Variants in GALNT17 observed in about 807,000 individuals in gnomAD.
The protein encoded by GALNT17 is UDP-GalNAc:polypeptide N-acetylgalactosaminyltransferase-like 3.
In GALNT17, 29 loss-of-function variants were observed where a neutral mutation model predicts 63.7. The observed-to-expected ratio is 0.46, with a 90% CI of 0.34 to 0.62. GALNT17 has a LOEUF of 0.62. Ranked by LOEUF, GALNT17 falls within the 20% of genes least tolerant of loss-of-function variation. The pLI is 0.01. For missense variants in GALNT17, 603 were observed against 799.6 expected, an observed-to-expected ratio of 0.75 and a Z score of 2.97; for synonymous variants, 305 against 318.3, an observed-to-expected ratio of 0.96 and a Z score of 0.45.
intron 5 of GALNT17, among the ~76,000 whole-genome samples, chr7:71,506,595 T>A (rs893586453): frequency 1.3e-5 from 2 of 152,164 alleles, no homozygotes; most frequent in Admixed American, 1.3e-4. Flanking sequence ...TACATATAAT[T>A]TTATGTTTTA....
chr7:71,537,772 C>T (rs534948353), intron 5 of GALNT17, among the ~76,000 whole-genome samples: 2 of 152,214 alleles, frequency 1.3e-5, no homozygotes, highest in South Asian at 4.2e-4. Flanking sequence ...GAGATCAAGG[C>T]ACTGCAATCC....
intron 1 of GALNT17, among the ~76,000 whole-genome samples, chr7:71,199,915 T>C (rs1013793520): frequency 6.6e-6 from 1 of 152,186 alleles, no homozygotes; most frequent in African/African-American, 2.4e-5. Context: ...TAGAACCTCC[T>C]CTTTTTTGTC....
intron 5 of GALNT17, among the ~76,000 whole-genome samples, chr7:71,439,794 GGA>G (rs1173969126): frequency 6.6e-6 from 1 of 152,208 alleles, no homozygotes; most frequent in African/African-American, 2.4e-5. Context: ...TGATCTGTGG[GGA>G]GAGAGTAATA....
At chr7:71,578,053 T>TTTC (rs1789567763) in intron 6 of GALNT17, among the ~76,000 whole-genome samples, 1 of 129,208 alleles carries the variant, frequency 7.7e-6, no homozygotes, top group Non-Finnish European at 1.8e-5. Context: ...TTATTTATTT[T>TTTC]GAGATGGAGT....
At chr7:71,416,326 A>G (rs1375013453) in intron 4 of GALNT17, among the ~76,000 whole-genome samples, 1 of 152,188 alleles carries the variant, frequency 6.6e-6, no homozygotes, top group Admixed American at 6.5e-5. Flanking sequence ...AAAATGTTTT[A>G]TCAGGCTGGG....
chr7:71,213,714 G>T, intron 1 of GALNT17, among the ~76,000 whole-genome samples: 1 of 151,764 alleles, frequency 6.6e-6, no homozygotes, highest in Non-Finnish European at 1.5e-5. Context: ...TTTTATATTG[G>T]GTGTTATATT....
At chr7:71,140,685 C>A (rs997724848) in intron 1 of GALNT17, among the ~76,000 whole-genome samples, 1 of 152,112 alleles carries the variant, frequency 6.6e-6, no homozygotes, top group Non-Finnish European at 1.5e-5. Flanking sequence ...CCAAGGCCAG[C>A]GAAGAAACAA....
chr7:71,313,058 A>G (rs1414609163), intron 1 of GALNT17, among the ~76,000 whole-genome samples: 4 of 152,148 alleles, frequency 2.6e-5, no homozygotes, highest in Non-Finnish European at 5.9e-5. Flanking sequence ...GTAGTGAGCT[A>G]TGATTCTGCC....
At chr7:71,218,443 A>G (rs1789525657) in intron 1 of GALNT17, among the ~76,000 whole-genome samples, 1 of 152,122 alleles carries the variant, frequency 6.6e-6, no homozygotes, top group Admixed American at 6.6e-5. Flanking sequence ...CCTCCTAAGA[A>G]TTGCTTCCAC....
At chr7:71,226,339 G>T (rs190404763) in intron 1 of GALNT17, among the ~76,000 whole-genome samples, 45 of 152,248 alleles carry the variant, frequency 3.0e-4, no homozygotes, top group African/African-American at 1.1e-3. Context: ...GAACCCCGGG[G>T]TGGAGACAGG....
At chr7:71,368,920 G>GT (rs1792564423) in intron 2 of GALNT17, among the ~76,000 whole-genome samples, 1 of 128,366 alleles carries the variant, frequency 7.8e-6, no homozygotes, top group African/African-American at 3.3e-5. Flanking sequence ...TTCCTCGGGG[G>GT]TGGGGGGGGG....
chr7:71,446,910 A>G (rs184952833), intron 5 of GALNT17, among the ~76,000 whole-genome samples: 99 of 152,298 alleles, frequency 6.5e-4, no homozygotes, highest in Non-Finnish European at 1.2e-3. Flanking sequence ...CTTTAGTCCT[A>G]CATCATGCAT....
At chr7:71,612,949 G>A (rs757815386) in intron 6 of GALNT17, among the ~76,000 whole-genome samples, 3 of 152,150 alleles carry the variant, frequency 2.0e-5, no homozygotes, top group Non-Finnish European at 4.4e-5. Context: ...AAGATACCAG[G>A]TACAAACAGA....
chr7:71,421,204 C>A, intron 5 of GALNT17, 99 bp downstream of exon 5: 1 of 1,299,572 alleles, frequency 7.7e-7, no homozygotes, highest in Non-Finnish European at 1.1e-6. Context: ...TGGGCTCGAG[C>A]AGCTGTGTGC....
In GALNT17 at chr7:71,226,996, C is replaced by T. The variant is rs535162203; in HGVS notation, c.238+93956C>T. Among the ~76,000 whole-genome samples the T allele has an allele frequency of 5.3e-5, 8 of 152,006 alleles. No individual in the cohort carries two copies. In the South Asian group the frequency reaches 1.7e-3, roughly 32 times the overall value. On this transcript the variant is annotated intron_variant, in intron 1 of 10. Coordinates refer to ENST00000333538, the MANE Select transcript of GALNT17 (RefSeq NM_022479.3). ...AACAAAGGGAGCTGGGCAGGATCAT[C>T]TCTGTCCCCTCCAGCTTTTGAGCCC...
chr7:71,665,020 C>G (rs1380714593), intron 6 of GALNT17, among the ~76,000 whole-genome samples: 1 of 152,130 alleles, frequency 6.6e-6, no homozygotes, highest in Non-Finnish European at 1.5e-5. Flanking sequence ...CCCTGTCACC[C>G]AGGCTGGCGT....
At chr7:71,386,584 T>A (rs1792949227) in intron 2 of GALNT17, among the ~76,000 whole-genome samples, 1 of 152,088 alleles carries the variant, frequency 6.6e-6, no homozygotes, top group Non-Finnish European at 1.5e-5. Flanking sequence ...GTTCCCCGGG[T>A]ACTAAATCAT....
At chr7:71,406,545 C>T (rs937646511) in intron 3 of GALNT17, among the ~76,000 whole-genome samples, 3 of 152,116 alleles carry the variant, frequency 2.0e-5, no homozygotes, top group African/African-American at 7.2e-5. Context: ...GTTGCATGAG[C>T]AGAATATGCA....
chr7:71,355,297 A>C (rs1037162567), intron 2 of GALNT17, among the ~76,000 whole-genome samples: 1 of 152,086 alleles, frequency 6.6e-6, no homozygotes, highest in Admixed American at 6.6e-5. Flanking sequence ...TAATTCAAGT[A>C]TTTTTATTGC....
Sources: gnomAD v4.1 joint callset for allele counts (sites outside exome capture counted in the v4.1 genomes callset) on GRCh38, gnomAD v4.1.1 for gene constraint, MANE v1.5 for transcripts, NCBI Gene and HGNC (gene_info 2026-07-23, HGNC 2026-07-21) for gene names.